The following CACNA2D3 variants were observed in gnomAD, a reference collection of about 807,000 sequenced individuals.
CACNA2D3 encodes voltage-dependent calcium channel subunit alpha-2/delta-3.
Under a neutral mutation model 160.6 loss-of-function variants are expected in CACNA2D3, and 60 were observed. The ratio of observed to expected loss-of-function variants is 0.37; its 90% CI spans 0.30 to 0.46. CACNA2D3 has a LOEUF of 0.46. CACNA2D3 is among the 20% of genes least tolerant of loss of function. CACNA2D3 has a pLI of 1.00. For missense variants in CACNA2D3, 1,205 were observed against 1,365.0 expected (o/e 0.88, Z 1.85); for synonymous variants, 558 against 492.9 (o/e 1.13, Z -1.75).
In CACNA2D3 at chr3:54,464,801, G is replaced by A. The variant is rs576988206; in HGVS notation, c.382-38691G>A. On this transcript the variant is annotated intron_variant, in intron 4 of 37. Transcript: ENST00000474759. Reference sequence around the variant, plus strand: ...ACGCACTGTCCTGCGCCCACTGTCTGGCACTCCCTAGTGAGATGAACCCGG... The same window carrying A: ...ACGCACTGTCCTGCGCCCACTGTCTAGCACTCCCTAGTGAGATGAACCCGG... Among the ~76,000 whole-genome samples the A allele has an allele frequency of 7.2e-5, 11 of 152,336 alleles. No homozygotes were observed. In the South Asian group the frequency reaches 2.1e-3, roughly 29 times the overall value.
chr3:54,189,794 A>G (rs1293499060), intron 2 of CACNA2D3, among the ~76,000 whole-genome samples: 1 of 152,212 alleles, frequency 6.6e-6, no homozygotes. Context: ...CCCATCAGCT[A>G]CAATTCAAAC....
intron 12 of CACNA2D3, among the ~76,000 whole-genome samples, chr3:54,752,946 C>T (rs1575458121): frequency 1.3e-5 from 2 of 151,320 alleles, no homozygotes; most frequent in South Asian, 2.1e-4. Flanking sequence ...CTGCAGACCA[C>T]GCCTCCCGAG....
At chr3:54,279,910 G>A (rs1294039557) in intron 2 of CACNA2D3, among the ~76,000 whole-genome samples, 2 of 152,104 alleles carry the variant, frequency 1.3e-5, no homozygotes, top group Non-Finnish European at 2.9e-5. Context: ...ATTTTTACAC[G>A]AAGCAAAGGT....
chr3:54,853,366 G>A (rs963628564), intron 17 of CACNA2D3, among the ~76,000 whole-genome samples: 4 of 152,208 alleles, frequency 2.6e-5, no homozygotes, highest in Non-Finnish European at 5.9e-5. Context: ...TGATGCTGAT[G>A]GTTGGATATC....
intron 11 of CACNA2D3, among the ~76,000 whole-genome samples, chr3:54,736,046 CA>C (rs1701503197): frequency 2.8e-5 from 2 of 71,466 alleles, no homozygotes; most frequent in Non-Finnish European, 2.6e-5. Context: ...TATATATATA[CA>C]CATACATATG....
At chr3:55,053,127 T>C (rs763540800) in intron 35 of CACNA2D3, among the ~76,000 whole-genome samples, 2 of 152,076 alleles carry the variant, frequency 1.3e-5, no homozygotes, top group Non-Finnish European at 2.9e-5. Flanking sequence ...ATTTGTTTCT[T>C]CCTCTTTGTA....
chr3:54,988,188 T>C (rs1702659264), intron 31 of CACNA2D3, among the ~76,000 whole-genome samples: 1 of 152,222 alleles, frequency 6.6e-6, no homozygotes, highest in African/African-American at 2.4e-5. Flanking sequence ...TTGATGTTGT[T>C]TTAGAAAATC....
At chr3:54,899,172 C>A (rs956831434) in intron 26 of CACNA2D3, among the ~76,000 whole-genome samples, 9 of 152,110 alleles carry the variant, frequency 5.9e-5, no homozygotes, top group African/African-American at 2.2e-4. Flanking sequence ...TCTTTTAATT[C>A]GTGGATATTG....
Position 54,123,338 on chromosome 3 carries a change from T to G in CACNA2D3, c.123-175T>G, listed in dbSNP as rs952005472. 6.6e-6 allele frequency: 4 copies of G among 607,794 alleles called. No homozygotes were observed. The African/African-American group carries it at 7.4e-5, about 11-fold the overall frequency. 37.7% of individuals were successfully genotyped at this position (607,794 alleles called of 1,614,324 possible). ...TCGGGCCCCCTCCCGCGCTGCGCTTTGCAGTTTTGGTGCTGGCAGTTTCTA... is the reference window on the plus strand; with the variant it reads ...TCGGGCCCCCTCCCGCGCTGCGCTTGGCAGTTTTGGTGCTGGCAGTTTCTA... On this transcript the variant is annotated intron_variant, in intron 1 of 37. Transcript: ENST00000474759.
At chr3:54,791,429 G>A (rs1702756023) in intron 13 of CACNA2D3, among the ~76,000 whole-genome samples, 1 of 152,180 alleles carries the variant, frequency 6.6e-6, no homozygotes, top group African/African-American at 2.4e-5. Context: ...AAGTTCATAT[G>A]TGATTAGACA....
intron 17 of CACNA2D3, among the ~76,000 whole-genome samples, chr3:54,869,026 G>T (rs1275216036): frequency 6.6e-6 from 1 of 152,210 alleles, no homozygotes; most frequent in Non-Finnish European, 1.5e-5. Context: ...GGAGTAGCTG[G>T]ATACCTGGCT....
At chr3:54,427,329 C>T (rs1699925467) in intron 4 of CACNA2D3, among the ~76,000 whole-genome samples, 1 of 152,154 alleles carries the variant, frequency 6.6e-6, no homozygotes, top group Non-Finnish European at 1.5e-5. Flanking sequence ...GCTTCTTCTC[C>T]TTGGGTCTCC....
chr3:54,194,548 T>A (rs1474074151), intron 2 of CACNA2D3, among the ~76,000 whole-genome samples: 1 of 152,178 alleles, frequency 6.6e-6, no homozygotes, highest in Admixed American at 6.5e-5. Context: ...TTGATTACCA[T>A]GTGGATGGGG....
intron 11 of CACNA2D3, among the ~76,000 whole-genome samples, chr3:54,681,382 CAAAAAAAAAAAA>C (rs565556596): frequency 0.29 from 18,384 of 62,478 alleles, 1,576 homozygotes; most frequent in South Asian, 0.52. Flanking sequence ...ACTAAAAATA[CAAAAAAAAAAAA>C]AAAAAAAAAA....
At chr3:54,497,746 C>T (rs1283530987) in intron 4 of CACNA2D3, among the ~76,000 whole-genome samples, 1 of 151,854 alleles carries the variant, frequency 6.6e-6, no homozygotes, top group African/African-American at 2.4e-5. Context: ...TTTTGTAAAT[C>T]CTTTTCATTA....
intron 2 of CACNA2D3, among the ~76,000 whole-genome samples, chr3:54,188,579 G>A (rs1426169373): frequency 6.6e-6 from 1 of 152,148 alleles, no homozygotes; most frequent in East Asian, 1.9e-4. Flanking sequence ...ACTTGGAGTT[G>A]GAATCCAACC....
In CACNA2D3 at chr3:54,235,362, G is replaced by A. The variant is rs139294058; in HGVS notation, c.205-85080G>A. The stretch of plus-strand genomic sequence containing the variant: ...AGGAAGCATGAAGCTGCATCTGCTC[G>A]GCTTCTGGGGAGGCCTCGGGAAACT... On this transcript the variant is annotated intron_variant, in intron 2 of 37. Transcript: ENST00000474759. 8.5e-5 allele frequency among the ~76,000 whole-genome samples: 13 copies of A among 152,258 alleles called. No homozygotes were observed. The East Asian group carries it at 1.5e-3, about 18-fold the overall frequency.
intron 4 of CACNA2D3, among the ~76,000 whole-genome samples, chr3:54,494,501 A>G (rs1258742512): frequency 6.6e-6 from 1 of 152,174 alleles, no homozygotes; most frequent in African/African-American, 2.4e-5. Context: ...CTGTGCATGA[A>G]CCATTATTCA....
chr3:55,050,874 C>G (rs907358820), intron 35 of CACNA2D3, among the ~76,000 whole-genome samples: 6 of 133,350 alleles, frequency 4.5e-5, no homozygotes, highest in Non-Finnish European at 9.4e-5. Context: ...TTGCTGATAC[C>G]CTTTCTTCCA....
Sources: allele counts gnomAD v4.1 joint callset (sites outside exome capture counted in the v4.1 genomes callset), GRCh38; gene constraint gnomAD v4.1.1; transcripts MANE v1.5; gene names NCBI Gene and HGNC (gene_info 2026-07-23, HGNC 2026-07-21).